HEPACAM: variants seen among roughly 807,000 people sequenced by gnomAD.
HEPACAM encodes hepatocyte cell adhesion molecule.
In HEPACAM, 18 loss-of-function variants were observed where a neutral mutation model predicts 38.3. The ratio of observed to expected loss-of-function variants is 0.47; its 90% CI spans 0.33 to 0.70. The LOEUF is 0.70. HEPACAM is among the 30% of genes least tolerant of loss of function. HEPACAM has a pLI of 0.03. For missense variants in HEPACAM, 466 were observed against 563.0 expected (o/e 0.83, Z 1.74); for synonymous variants, 216 against 243.1 (o/e 0.89, Z 1.04).
chr11:124,924,043 A>G lies in HEPACAM; in HGVS notation c.428-33T>C. The G allele has an allele frequency of 3.2e-6, 5 of 1,584,392 alleles. No individual in the cohort carries two copies. Among genetic ancestry groups the G allele is most frequent in the Non-Finnish European group, 4.3e-6 (5 of 1,169,840 alleles). On this transcript the variant is annotated intron_variant, in intron 2 of 6. Coordinates refer to ENST00000298251, the MANE Select transcript of HEPACAM (RefSeq NM_152722.5). The surrounding 1 kb of genome is among the most constrained non-coding windows in gnomAD (Gnocchi z 4.4). The stretch of plus-strand genomic sequence containing the variant: ...GCAGGAATGGGGGAGCCTGTAAGTC[A>G]TTGGCTAAGAAGTGTCTCCCTTCCC...
intron 1 of HEPACAM, among the ~76,000 whole-genome samples, chr11:124,930,565 C>T (rs1220663013): frequency 6.6e-6 from 1 of 152,154 alleles, no homozygotes; most frequent in Non-Finnish European, 1.5e-5. Flanking sequence ...TGTTTGTGGA[C>T]TGGAAAAATC....
chr11:124,922,548 C>T (rs1220924565), intron 5 of HEPACAM, 90 bp from the exon 6 acceptor site: 4 of 1,598,072 alleles, frequency 2.5e-6, no homozygotes, highest in Non-Finnish European at 2.6e-6. Flanking sequence ...GAATGGCCCG[C>T]CACAACCTCC....
At position 124,920,145 on chromosome 11, in the gene HEPACAM, C is replaced by T. The variant is rs960559032; in HGVS notation, c.*993G>A. On this transcript the variant is annotated 3_prime_UTR_variant, in exon 7 of 7. Coordinates refer to ENST00000298251, the MANE Select transcript of HEPACAM (RefSeq NM_152722.5). ...CTGGGAAGCAATAAGCCTCCTCCTC[C>T]CCCCACCATTTCTCTGGAGATTAGG... 19 of 1,084,848 alleles carry T rather than the reference C, an allele frequency of 1.8e-5. 1 individual carries two copies. The South Asian group carries it at 2.3e-4, about 13-fold the overall frequency. The allele number at this position is 1,084,848 out of a possible 1,614,324, so 67.2% of individuals were successfully genotyped here.
rs769342945 is a variant in HEPACAM at position 124,923,850 on chromosome 11, G to T, written c.588C>A (p.Ser196=). 1 of 1,614,122 alleles carries T rather than the reference G, an allele frequency of 6.2e-7. No individual in the cohort carries two copies. The change falls in exon 3 of 7, where the codon TCC becomes TCA. Residue 196 remains serine (S), a synonymous_variant. Coordinates refer to ENST00000298251, the MANE Select transcript of HEPACAM (RefSeq NM_152722.5). ...PLLNDSRMLL[S]PDQKVLTITR... ...TGATGGTGAGCACCTTTTGGTCGGG[G>T]GACAGGAGCATTCTCGAGTCATTGA...
intron 1 of HEPACAM, among the ~76,000 whole-genome samples, chr11:124,934,808 C>T (rs1246688283): frequency 6.6e-6 from 1 of 152,092 alleles, no homozygotes; most frequent in East Asian, 1.9e-4. Context: ...TGACCCCCTG[C>T]AGACTGAGTA....
chr11:124,923,754 G>A lies in HEPACAM; in HGVS notation c.684C>T (p.Ser228=). 2 of 1,614,192 alleles carry A rather than the reference G, an allele frequency of 1.2e-6. No individual in the cohort carries two copies. The highest frequency in any genetic ancestry group is 8.5e-7 in the Non-Finnish European group (1 of 1,180,036). Residue 228 remains serine, a synonymous_variant, in exon 3 of 7, where the codon AGC becomes AGT. Coordinates refer to ENST00000298251, the MANE Select transcript of HEPACAM (RefSeq NM_152722.5). ...MVENPISQGR[S]LPVKITVYRR... is the part of the protein sequence containing the mutation. ...TGTATACGGTGATCTTGACAGGCAG[G>A]CTGCGGCCCTGGCTGATGGGGTTCT...
At position 124,921,432 on chromosome 11, in the gene HEPACAM, C is replaced by T. The variant is rs558265809; in HGVS notation, c.957G>A (p.Pro319=). ...ALYILKDKDS[P]ETEENPAPEP... Reference sequence around the variant, plus strand: ...CCGGGGCCGGGTTCTCCTCGGTCTCCGGGGAGTCCTGCAAGGACACGCGCC... The same window carrying T: ...CCGGGGCCGGGTTCTCCTCGGTCTCTGGGGAGTCCTGCAAGGACACGCGCC... Residue 319 remains proline (P), a synonymous_variant, in exon 7 of 7, where the codon CCG becomes CCA. Coordinates refer to ENST00000298251, the MANE Select transcript of HEPACAM (RefSeq NM_152722.5). The surrounding 1 kb of genome is among the most constrained non-coding windows in gnomAD (Gnocchi z 4.6). 3 of 1,268,764 alleles carry T rather than the reference C, an allele frequency of 2.4e-6. No individual in the cohort carries two copies. Among genetic ancestry groups the T allele is most frequent in the Non-Finnish European group, 3.0e-6 (3 of 1,010,408 alleles). The allele number at this position is 1,268,764 out of a possible 1,614,324, so 78.6% of individuals were successfully genotyped here. A position where few individuals can be genotyped will look rare whatever the true frequency, so the allele number is the denominator to read the frequency against.
In HEPACAM at chr11:124,923,787, G is replaced by A. The variant is rs762612196; in HGVS notation, c.651C>T (p.Cys217=). The change falls in exon 3 of 7, where the codon TGC becomes TGT. Residue 217 remains cysteine (C), a synonymous_variant. Coordinates refer to ENST00000298251, the MANE Select transcript of HEPACAM (RefSeq NM_152722.5). ...VLMEDDDLYS[C]MVENPISQGR... Reference sequence around the variant, plus strand: ...CCTGGCTGATGGGGTTCTCCACCATGCAGCTGTACAGGTCGTCATCCTCCA... The same window carrying A: ...CCTGGCTGATGGGGTTCTCCACCATACAGCTGTACAGGTCGTCATCCTCCA... 13 of 1,614,160 alleles carry A rather than the reference G, an allele frequency of 8.1e-6. No individual in the cohort carries two copies. The highest frequency in any genetic ancestry group is 3.3e-4 in the Middle Eastern group (2 of 6,062).
chr11:124,922,525 C>T, intron 5 of HEPACAM, 67 bp from the exon 6 acceptor site: 2 of 1,598,534 alleles, frequency 1.3e-6, no homozygotes, highest in African/African-American at 1.3e-5. Context: ...GGCACCTACT[C>T]TCTGTGCTTC....
chr11:124,927,183 T>C (rs754185567), intron 1 of HEPACAM, among the ~76,000 whole-genome samples: 1 of 151,978 alleles, frequency 6.6e-6, no homozygotes, highest in Non-Finnish European at 1.5e-5. Context: ...ACATATTAGA[T>C]CCATTTTTGG....
At chr11:124,935,281 G>A (rs1947328805) in intron 1 of HEPACAM, among the ~76,000 whole-genome samples, 1 of 151,850 alleles carries the variant, frequency 6.6e-6, no homozygotes. Flanking sequence ...GCCTCACTAA[G>A]TTGTGAATTC....
intron 1 of HEPACAM, among the ~76,000 whole-genome samples, chr11:124,927,433 C>T (rs1007420643): frequency 6.6e-6 from 1 of 151,588 alleles, no homozygotes; most frequent in African/African-American, 2.4e-5. Flanking sequence ...ACCTCTGCCT[C>T]CCAGGATCCA....
Position 124,919,803 on chromosome 11 carries a change from T to C in HEPACAM, c.*1335A>G. 2 of 1,614,136 alleles carry C rather than the reference T, an allele frequency of 1.2e-6. No individual in the cohort carries two copies. The highest frequency in any genetic ancestry group is 1.7e-6 in the Non-Finnish European group (2 of 1,180,012). On this transcript the variant is annotated 3_prime_UTR_variant, in exon 7 of 7. Transcript: ENST00000298251. ...CCATGGGTTGATGGCGAATCAGAGCTGGAGTTTAGGAGACTAGGGATGCAA... is the reference window on the plus strand; with the variant it reads ...CCATGGGTTGATGGCGAATCAGAGCCGGAGTTTAGGAGACTAGGGATGCAA...
In HEPACAM at chr11:124,920,435, A is replaced by T. The variant is rs1947112161; in HGVS notation, c.*703T>A. The T allele has an allele frequency of 6.5e-7, 1 of 1,547,582 alleles. No homozygotes were observed. Among genetic ancestry groups the T allele is most frequent in the African/African-American group, 1.4e-5 (1 of 72,962 alleles). On this transcript the variant is annotated 3_prime_UTR_variant, in exon 7 of 7. Coordinates refer to ENST00000298251, the MANE Select transcript of HEPACAM (RefSeq NM_152722.5). ...CCGAGGGAGGCTGTGGGAGGAGGCC[A>T]AGCTGGCAGGCTCGGGTTCTTTGCC...
intron 1 of HEPACAM, among the ~76,000 whole-genome samples, chr11:124,928,684 A>C (rs1335023281): frequency 6.6e-6 from 1 of 152,180 alleles, no homozygotes; most frequent in African/African-American, 2.4e-5. Flanking sequence ...GGAAAGACTA[A>C]TCAAAAAAAG....
Position 124,921,020 on chromosome 11 carries a change from C to T in HEPACAM, c.*118G>A. The T allele has an allele frequency of 7.1e-7, 1 of 1,402,174 alleles. No homozygotes were observed. Among genetic ancestry groups the T allele is most frequent in the Non-Finnish European group, 9.2e-7 (1 of 1,082,522 alleles). The allele number at this position is 1,402,174 out of a possible 1,614,324, so 86.9% of individuals were successfully genotyped here. On this transcript the variant is annotated 3_prime_UTR_variant, in exon 7 of 7. Transcript: ENST00000298251. This position sits in a 1 kb window ranked among gnomAD's most constrained non-coding sequence, Gnocchi z 4.6. ...TACACGTTCACACCCGAGACACCAG[C>T]GCCCCCCCGGGACCTCCCCTCGTCC...
chr11:124,930,588 C>T (rs1947270197), intron 1 of HEPACAM, among the ~76,000 whole-genome samples: 1 of 152,200 alleles, frequency 6.6e-6, no homozygotes, highest in Non-Finnish European at 1.5e-5. Flanking sequence ...TCTTGTTAAG[C>T]TGTCAATTCT....
At chr11:124,922,589 C>T (rs1947155079) in intron 5 of HEPACAM, 131 bp from the exon 6 acceptor site, 5 of 1,607,446 alleles carry the variant, frequency 3.1e-6, no homozygotes, top group Admixed American at 1.7e-5. Context: ...TGGCTCCTAC[C>T]TTGGCCAAAC....
At chr11:124,932,607 T>C (rs1443348758) in intron 1 of HEPACAM, among the ~76,000 whole-genome samples, 2 of 152,140 alleles carry the variant, frequency 1.3e-5, no homozygotes, top group Non-Finnish European at 2.9e-5. Context: ...AGGTAAATCT[T>C]GGGGAGGCAG....
Sources: gnomAD v4.1 joint callset for allele counts (sites outside exome capture counted in the v4.1 genomes callset) on GRCh38, gnomAD v4.1.1 for gene constraint, Gnocchi (gnomAD v3.1) non-coding constraint, MANE v1.5 for transcripts, NCBI Gene and HGNC (gene_info 2026-07-23, HGNC 2026-07-21) for gene names.